RARB: variants seen among roughly 807,000 people sequenced by gnomAD.
RARB encodes retinoic acid receptor beta.
Under a neutral mutation model 51.9 loss-of-function variants are expected in RARB, and 17 were observed. That is an observed-to-expected ratio of 0.33 (90% CI 0.22 to 0.49). The LOEUF (loss-of-function observed/expected upper bound fraction) is 0.49, where lower values mean the gene tolerates loss of function less well. Ranked by LOEUF, RARB falls within the 20% of genes least tolerant of loss-of-function variation. The probability of loss-of-function intolerance (pLI) is 0.99; values close to 1 mark genes in which losing one functional copy is unlikely to be tolerated. For missense variants in RARB, 369 were observed against 550.8 expected, an observed-to-expected ratio of 0.67 and a Z score of 3.30; for synonymous variants, 215 against 195.4, an observed-to-expected ratio of 1.10 and a Z score of -0.84.
chr3:24,851,579 A>G (rs1299970015), intron 1 of RARB, among the ~76,000 whole-genome samples: 4 of 152,208 alleles, frequency 2.6e-5, no homozygotes, highest in African/African-American at 4.8e-5. Flanking sequence ...ATACTCTTCA[A>G]TCACAGGCGG....
intron 3 of RARB, among the ~76,000 whole-genome samples, chr3:25,132,069 CTTGACACATT>C (rs1699961780): frequency 6.6e-6 from 1 of 151,906 alleles, no homozygotes; most frequent in Non-Finnish European, 1.5e-5. Context: ...CTTGACACAT[CTTGACACATT>C]ACACCATATT....
chr3:25,562,227 T>C (rs1700299939), intron 3 of RARB, among the ~76,000 whole-genome samples: 1 of 144,424 alleles, frequency 6.9e-6, no homozygotes, highest in African/African-American at 2.5e-5. Flanking sequence ...ATGGAAGAGA[T>C]ACTAAGCCTT....
intron 1 of RARB, among the ~76,000 whole-genome samples, chr3:24,843,900 T>TACACACACAC (rs71057685): frequency 0.011 from 1,535 of 145,218 alleles, 22 homozygotes; most frequent in Middle Eastern, 0.039. Context: ...GATTTGAGGG[T>TACACACACAC]ACACACACAC....
At chr3:25,417,415 G>A (rs1234236959) in intron 5 of RARB, among the ~76,000 whole-genome samples, 2 of 152,172 alleles carry the variant, frequency 1.3e-5, no homozygotes, top group South Asian at 2.1e-4. Context: ...CACATGGCGG[G>A]AGGGACCTGG....
At chr3:25,380,125 A>G (rs1213594126) in intron 5 of RARB, among the ~76,000 whole-genome samples, 1 of 152,250 alleles carries the variant, frequency 6.6e-6, no homozygotes, top group Non-Finnish European at 1.5e-5. Context: ...AGAAATGTAA[A>G]GAGAAAAATC....
intron 1 of RARB, among the ~76,000 whole-genome samples, chr3:25,438,925 A>G (rs1708544807): frequency 1.3e-5 from 2 of 152,188 alleles, no homozygotes; most frequent in Admixed American, 6.5e-5. Flanking sequence ...TGCCCAAACT[A>G]TGAGGCTATT....
At chr3:24,944,309 A>G (rs911173606) in intron 2 of RARB, among the ~76,000 whole-genome samples, 4 of 152,234 alleles carry the variant, frequency 2.6e-5, no homozygotes, top group African/African-American at 9.6e-5. Context: ...GGTCTCAAGC[A>G]CAGAGTCCAG....
chr3:25,325,623 G>GC (rs1013508893), intron 5 of RARB, among the ~76,000 whole-genome samples: 1 of 151,632 alleles, frequency 6.6e-6, no homozygotes, highest in African/African-American at 2.4e-5. Flanking sequence ...TTCCTCTGCT[G>GC]CCAACTTCTA....
intron 5 of RARB, among the ~76,000 whole-genome samples, chr3:25,241,560 G>T (rs188147986): frequency 2.0e-5 from 3 of 152,266 alleles, no homozygotes; most frequent in Non-Finnish European, 4.4e-5. Flanking sequence ...ATGAGAACAT[G>T]CAGTGTTTGG....
intron 5 of RARB, among the ~76,000 whole-genome samples, chr3:25,306,321 G>T (rs919849935): frequency 1.3e-5 from 2 of 152,134 alleles, no homozygotes; most frequent in African/African-American, 4.8e-5. Context: ...GGTTATGCAG[G>T]ATGGTTCAAT....
chr3:25,301,687 G>A (rs1417980539), intron 5 of RARB, among the ~76,000 whole-genome samples: 2 of 152,208 alleles, frequency 1.3e-5, no homozygotes, highest in Non-Finnish European at 2.9e-5. Context: ...GACTTAAAGT[G>A]CTAGTCTTGA....
intron 3 of RARB, among the ~76,000 whole-genome samples, chr3:25,502,159 G>A (rs1294218231): frequency 7.2e-5 from 11 of 152,212 alleles, no homozygotes; most frequent in African/African-American, 1.9e-4. Context: ...ATGGCGTGCT[G>A]TGCACATGTG....
chr3:25,235,580 T>C (rs1290380138), intron 5 of RARB, among the ~76,000 whole-genome samples: 1 of 152,196 alleles, frequency 6.6e-6, no homozygotes, highest in African/African-American at 2.4e-5. Context: ...TCATGCCTTT[T>C]ACTCACTCAA....
intron 5 of RARB, among the ~76,000 whole-genome samples, chr3:25,371,143 A>C (rs1706286493): frequency 6.6e-6 from 1 of 152,198 alleles, no homozygotes; most frequent in Non-Finnish European, 1.5e-5. Flanking sequence ...TGTGTTGGAA[A>C]CTTAACCCCT....
intron 1 of RARB, among the ~76,000 whole-genome samples, chr3:25,446,676 G>A (rs929418274): frequency 1.6e-4 from 25 of 151,680 alleles, no homozygotes; most frequent in African/African-American, 5.1e-4. Flanking sequence ...GGTGGCAGGC[G>A]CCTGTAGTCC....
intron 2 of RARB, among the ~76,000 whole-genome samples, chr3:25,030,558 T>C (rs1043401263): frequency 6.6e-6 from 1 of 152,250 alleles, no homozygotes; most frequent in Non-Finnish European, 1.5e-5. Flanking sequence ...ATTTGTATTA[T>C]GTTATCTCAT....
intron 5 of RARB, among the ~76,000 whole-genome samples, chr3:25,178,462 G>C (rs1238391061): frequency 6.6e-6 from 1 of 152,054 alleles, no homozygotes; most frequent in African/African-American, 2.4e-5. Context: ...ATAAAGACCA[G>C]GAGGCTTAGA....
intron 5 of RARB, among the ~76,000 whole-genome samples, chr3:25,184,730 C>T (rs558234179): frequency 2.0e-5 from 3 of 151,944 alleles, no homozygotes; most frequent in Non-Finnish European, 4.4e-5. Context: ...AACAGTGTTA[C>T]AAGAGTAAAA....
chr3:24,981,079 T>C (rs951857524), intron 2 of RARB, among the ~76,000 whole-genome samples: 2 of 152,202 alleles, frequency 1.3e-5, no homozygotes, highest in African/African-American at 4.8e-5. Flanking sequence ...CTTGTTTGCC[T>C]GGGTATCACC....
Sources: gnomAD v4.1 joint callset for allele counts (sites outside exome capture counted in the v4.1 genomes callset) on GRCh38, gnomAD v4.1.1 for gene constraint, MANE v1.5 for transcripts, NCBI Gene and HGNC (gene_info 2026-07-23, HGNC 2026-07-21) for gene names.